The following BCAN variants were observed in gnomAD, a reference collection of about 807,000 sequenced individuals.
BCAN encodes the protein brevican.
Under a neutral mutation model 92.4 loss-of-function variants are expected in BCAN, and 51 were observed. That is an observed-to-expected ratio of 0.55 (90% confidence interval 0.44 to 0.70). The LOEUF (loss-of-function observed/expected upper bound fraction) is 0.70, where lower values mean the gene tolerates loss of function less well. BCAN is among the 30% of genes least tolerant of loss of function. The probability of loss-of-function intolerance (pLI) is 0.00; values close to 1 mark genes in which losing one functional copy is unlikely to be tolerated. For missense variants in BCAN, 1,140 were observed against 1,212.1 expected (o/e 0.94, Z 0.88); for synonymous variants, 501 against 505.2 (o/e 0.99, Z 0.11).
chr1:156,647,315 C>A lies in BCAN; in HGVS notation c.466+140C>A. On this transcript the variant is annotated intron_variant, in intron 3 of 13. Coordinates refer to ENST00000329117, the MANE Select transcript of BCAN (RefSeq NM_021948.5). This position sits in a 1 kb window ranked among gnomAD's most constrained non-coding sequence, Gnocchi z 4.8. Reference sequence around the variant, plus strand: ...GGGTTGGAAAAAGAGTGAGGAGACACGGGCCTTTGTTGTCTCCTTTCTCTC... The same window carrying A: ...GGGTTGGAAAAAGAGTGAGGAGACAAGGGCCTTTGTTGTCTCCTTTCTCTC... 2 of 1,193,704 alleles carry A rather than the reference C, an allele frequency of 1.7e-6. No individual in the cohort carries two copies. The highest frequency in any genetic ancestry group is 1.1e-6 in the Non-Finnish European group (1 of 870,480). The allele number at this position is 1,193,704 out of a possible 1,614,324, so 73.9% of individuals were successfully genotyped here. A position where few individuals can be genotyped will look rare whatever the true frequency, so the allele number is the denominator to read the frequency against.
rs758445352 is a variant in BCAN, at chr1:156,651,578, G to A, written c.1186G>A (p.Ala396Thr). 13 of 1,613,864 alleles carry A rather than the reference G, an allele frequency of 8.1e-6. No individual in the cohort carries two copies. The highest frequency in any genetic ancestry group is 1.3e-5 in the African/African-American group (1 of 74,942). The stretch of plus-strand genomic sequence containing the variant: ...GGAGGAACTGCAGCTGCCTCAGGAA[G>A]CCACAGAGAGTGAATCCCGTGGGGC... ...TLEELQLPQEATESESRGAIY... is the reference protein window; with the variant it reads ...TLEELQLPQETTESESRGAIY... The change falls in exon 7 of 14, where the codon GCC becomes ACC. Residue 396 changes from alanine to threonine, a missense_variant. Physicochemically the swap from Ala to Thr is moderately conservative, Grantham distance 58. Coordinates refer to ENST00000329117, the MANE Select transcript of BCAN (RefSeq NM_021948.5).
At chr1:156,656,503 TTTTAGGCAAGTTG>T (rs1679333686) in intron 9 of BCAN, 114 bp downstream of exon 9, 2 of 817,824 alleles carry the variant, frequency 2.4e-6, no homozygotes, top group South Asian at 3.5e-5. Flanking sequence ...TGAGTCCCTG[TTTTAGGCAAGTTG>T]CATAACTTCT....
chr1:156,658,201 G>A lies in BCAN; in HGVS notation c.2367G>A (p.Trp789Ter), dbSNP rs1156404828. 1.9e-6 allele frequency: 3 copies of A among 1,614,096 alleles called. No homozygotes were observed. Among genetic ancestry groups the A allele is most frequent in the Non-Finnish European group, 2.5e-6 (3 of 1,179,988 alleles). The change falls in exon 12 of 14, where the codon TGG (tryptophan) becomes TGA (stop). Residue 789 changes from tryptophan to a stop codon, truncating the protein, a stop_gained. Coordinates refer to ENST00000329117, the MANE Select transcript of BCAN (RefSeq NM_021948.5). LOFTEE classifies it high-confidence loss of function. This position sits in a 1 kb window ranked among gnomAD's most constrained non-coding sequence, Gnocchi z 4.4. ...LSGENCVVMVWHDQGQWSDVP... is the reference protein window; with the variant it reads ...LSGENCVVMV ...GAGAGAACTGCGTGGTCATGGTGTG[G>A]CATGATCAGGGACAATGGAGTGACG...
intron 5 of BCAN, 144 bp from the exon 6 acceptor site, chr1:156,648,424 C>T (rs1679055273): frequency 1.0e-6 from 1 of 963,292 alleles, no homozygotes; most frequent in Non-Finnish European, 1.6e-6. Context: ...AGGTTCTATT[C>T]AGACTATGAT....
Position 156,652,818 on chromosome 1 carries a change from C to A in BCAN, c.1868C>A (p.Thr623Asn), listed in dbSNP as rs1350375259. The change falls in exon 8 of 14, where the codon ACC (threonine) becomes AAC (asparagine). Residue 623 changes from threonine (T) to asparagine (N), a missense_variant. Thr to Asn is a moderately conservative substitution (Grantham distance 65). Transcript: ENST00000329117. Reference protein sequence around the residue: ...DNSGRTAPAGTSVQAQPVLPT... With the variant: ...DNSGRTAPAGNSVQAQPVLPT... Reference sequence around the variant, plus strand: ...TCTGGAAGAACTGCCCCAGCAGGGACCTCAGTGCAGGCCCAGCCAGTGCTG... The same window carrying A: ...TCTGGAAGAACTGCCCCAGCAGGGAACTCAGTGCAGGCCCAGCCAGTGCTG... 2 of 1,613,896 alleles carry A rather than the reference C, an allele frequency of 1.2e-6. No individual in the cohort carries two copies. The highest frequency in any genetic ancestry group is 1.7e-6 in the Non-Finnish European group (2 of 1,179,924).
At position 156,647,439 on chromosome 1, in the gene BCAN, A is replaced by T. The variant is rs761063173; in HGVS notation, c.467-69A>T. 1.2e-4 allele frequency: 179 copies of T among 1,432,196 alleles called. No homozygotes were observed. The highest frequency in any genetic ancestry group is 1.6e-4 in the Non-Finnish European group (173 of 1,060,644). The allele number at this position is 1,432,196 out of a possible 1,614,324, so 88.7% of individuals were successfully genotyped here. A position where few individuals can be genotyped will look rare whatever the true frequency, so the allele number is the denominator to read the frequency against. ...ATTTACCCTTGTGTACAGAGGAGTG[A>T]CAAGGAGGGTGAGGGGAGGCCAGCG... On this transcript the variant is annotated intron_variant, in intron 3 of 13. Coordinates refer to ENST00000329117, the MANE Select transcript of BCAN (RefSeq NM_021948.5). The surrounding 1 kb of genome is among the most constrained non-coding windows in gnomAD (Gnocchi z 4.8).
Position 156,659,114 on chromosome 1 carries a change from A to C in BCAN, c.2716A>C (p.Ser906Arg). Residue 906 changes from serine (S) to arginine (R), a missense_variant, in exon 14 of 14, where the codon AGC becomes CGC. This residue lies in a region of BCAN where 825 missense variants were observed against 871.8 expected (regional missense o/e 0.95). Coordinates refer to ENST00000329117, the MANE Select transcript of BCAN (RefSeq NM_021948.5). Reference protein sequence around the residue: ...RWKALLIPPSSPMPGP With the variant: ...RWKALLIPPSRPMPGP Reference sequence around the variant, plus strand: ...GAAGGCGCTGTTGATCCCCCCTTCCAGCCCCATGCCAGGTCCCTAGGGGGC... The same window carrying C: ...GAAGGCGCTGTTGATCCCCCCTTCCCGCCCCATGCCAGGTCCCTAGGGGGC... The C allele has an allele frequency of 6.3e-7, 1 of 1,583,120 alleles. No individual in the cohort carries two copies. Among genetic ancestry groups the C allele is most frequent in the Non-Finnish European group, 8.6e-7 (1 of 1,166,004 alleles).
intron 8 of BCAN, 73 bp from the exon 9 acceptor site, chr1:156,656,209 C>A: frequency 9.1e-7 from 1 of 1,093,970 alleles, no homozygotes; most frequent in Non-Finnish European, 1.3e-6. Context: ...CCCTCTGCAC[C>A]CTCTCCTGGA....
chr1:156,646,589 T>C lies in BCAN; in HGVS notation c.92-212T>C, dbSNP rs557659700. On this transcript the variant is annotated intron_variant, in intron 2 of 13. Coordinates refer to ENST00000329117, the MANE Select transcript of BCAN (RefSeq NM_021948.5). ...GGGGGCTGAATTGACTGGGAGACTT[T>C]GGGGGATGGGTCTGGAGACCGTCGG... The C allele has an allele frequency of 8.8e-5, 64 of 725,088 alleles. 1 individual carries two copies. The highest frequency in any genetic ancestry group is 8.2e-4 in the South Asian group (33 of 40,036). The allele number at this position is 725,088 out of a possible 1,614,324, so 44.9% of individuals were successfully genotyped here.
intron 1 of BCAN, among the ~76,000 whole-genome samples, chr1:156,645,726 A>G (rs1678940438): frequency 1.3e-5 from 2 of 152,078 alleles, no homozygotes; most frequent in South Asian, 4.1e-4. Flanking sequence ...GATACTAAAC[A>G]CTCTCAAAGC....
At chr1:156,657,789 G>T (rs949970421) in intron 11 of BCAN, 32 bp downstream of exon 11, 2 of 1,581,548 alleles carry the variant, frequency 1.3e-6, no homozygotes, top group Non-Finnish European at 1.7e-6. Flanking sequence ...CCGCCGTCTA[G>T]CTCACTTCCT....
chr1:156,647,191 G>A lies in BCAN; in HGVS notation c.466+16G>A. 9.2e-7 allele frequency: 1 copy of A among 1,082,160 alleles called. No homozygotes were observed. The allele number at this position is 1,082,160 out of a possible 1,614,324, so 67.0% of individuals were successfully genotyped here. ...AAGGTCAAAGGTGAGAGGGCAGGGAGGTTCCAGAGGGAGGGAGGGAGGGAG... is the reference window on the plus strand; with the variant it reads ...AAGGTCAAAGGTGAGAGGGCAGGGAAGTTCCAGAGGGAGGGAGGGAGGGAG... On this transcript the variant is annotated intron_variant, in intron 3 of 13. Transcript: ENST00000329117. The surrounding 1 kb of genome is among the most constrained non-coding windows in gnomAD (Gnocchi z 4.8).
At position 156,647,709 on chromosome 1, in the gene BCAN, T is replaced by G; in HGVS notation, c.641+27T>G. 1 of 1,563,372 alleles carries G rather than the reference T, an allele frequency of 6.4e-7. No individual in the cohort carries two copies. Among genetic ancestry groups the G allele is most frequent in the Non-Finnish European group, 8.7e-7 (1 of 1,152,484 alleles). ...TGGGCAGGGGCTGTGGATTGGGGCT[T>G]CTATTGGCCCCTGAGGTGGCCATGG... is the stretch of plus-strand genomic sequence containing the variant. On this transcript the variant is annotated intron_variant, in intron 4 of 13. Transcript: ENST00000329117. This position sits in a 1 kb window ranked among gnomAD's most constrained non-coding sequence, Gnocchi z 4.8.
intron 8 of BCAN, among the ~76,000 whole-genome samples, chr1:156,653,834 G>A (rs866646247): frequency 1.3e-5 from 2 of 152,078 alleles, no homozygotes; most frequent in Non-Finnish European, 2.9e-5. Flanking sequence ...CCTGCAGCCC[G>A]GAGTGCATGT....
At chr1:156,657,554 C>T (rs1019171309) in intron 10 of BCAN, 121 bp from the exon 11 acceptor site, 1 of 742,384 alleles carries the variant, frequency 1.3e-6, no homozygotes, top group African/African-American at 1.8e-5. Flanking sequence ...AAGAACCCGA[C>T]AAGGGCGGGT....
rs763538269 is a variant in BCAN at position 156,648,759 on chromosome 1, C to T, written c.961C>T (p.Arg321Cys). The T allele has an allele frequency of 2.5e-6, 4 of 1,611,688 alleles. No individual in the cohort carries two copies. The highest frequency in any genetic ancestry group is 3.4e-6 in the Non-Finnish European group (4 of 1,178,036). The change falls in exon 6 of 14, where the codon CGC (arginine) becomes TGC (cysteine). Residue 321 changes from arginine (R) to cysteine (C), a missense_variant. Around this residue, in one of 3 missense-constraint regions of BCAN, gnomAD observed 825 missense variants for 871.8 expected, o/e 0.95. Transcript: ENST00000329117. ...CTACCCCATCGTCACACCCAGCCAG[C>T]GCTGTGGTGGGGGCTTGCCTGGTGT... ...VRYPIVTPSQ[R>C]CGGGLPGVKT...
intron 1 of BCAN, among the ~76,000 whole-genome samples, chr1:156,645,697 A>C (rs890767911): frequency 6.6e-6 from 1 of 152,174 alleles, no homozygotes; most frequent in Admixed American, 6.5e-5. Flanking sequence ...GGTGCTATGC[A>C]TTTGTACAGG....
At position 156,658,066 on chromosome 1, in the gene BCAN, C is replaced by T. The variant is rs114045915; in HGVS notation, c.2293-61C>T. The T allele has an allele frequency of 6.3e-7, 1 of 1,579,638 alleles. No individual in the cohort carries two copies. Among genetic ancestry groups the T allele is most frequent in the East Asian group, 2.2e-5 (1 of 44,700 alleles). On this transcript the variant is annotated intron_variant, in intron 11 of 13. Transcript: ENST00000329117. The surrounding 1 kb of genome is among the most constrained non-coding windows in gnomAD (Gnocchi z 4.4). ...TCACCAGCCCTCCTCCCCAGATCCTCTAGGCCCTCTCCCGGTGCTCCTGGT... is the reference window on the plus strand; with the variant it reads ...TCACCAGCCCTCCTCCCCAGATCCTTTAGGCCCTCTCCCGGTGCTCCTGGT...
intron 8 of BCAN, among the ~76,000 whole-genome samples, chr1:156,654,990 C>T (rs891505899): frequency 6.6e-6 from 1 of 152,250 alleles, no homozygotes; most frequent in African/African-American, 2.4e-5. Context: ...CTACTGATTC[C>T]CACCAGGCAG....
Sources: allele counts gnomAD v4.1 joint callset (sites outside exome capture counted in the v4.1 genomes callset), GRCh38; gene constraint gnomAD v4.1.1; regional missense constraint gnomAD v4.1.1; non-coding constraint Gnocchi (gnomAD v3.1); transcripts MANE v1.5; gene names NCBI Gene and HGNC (gene_info 2026-07-23, HGNC 2026-07-21).